GRXCR2: variants seen among roughly 807,000 people sequenced by gnomAD.
GRXCR2 encodes the protein glutaredoxin domain-containing cysteine-rich protein 2.
Under a neutral mutation model 24.8 loss-of-function variants are expected in GRXCR2, and 23 were observed. The ratio of observed to expected loss-of-function variants is 0.93; its 90% CI spans 0.67 to 1.32. GRXCR2 has a LOEUF of 1.32. Ranked by LOEUF, GRXCR2 falls within the 40% of genes most tolerant of loss-of-function variation. The probability of loss-of-function intolerance (pLI) is 0.00; values close to 1 mark genes in which losing one functional copy is unlikely to be tolerated. For missense variants in GRXCR2, 315 were observed against 303.4 expected, an observed-to-expected ratio of 1.04 and a Z score of -0.28; for synonymous variants, 130 against 116.1, an observed-to-expected ratio of 1.12 and a Z score of -0.77.
intron 2 of GRXCR2, among the ~76,000 whole-genome samples, chr5:145,905,576 C>T (rs1757080444): frequency 6.6e-6 from 1 of 152,036 alleles, no homozygotes. Flanking sequence ...TAACATTAAA[C>T]CAAGGCACCT....
chr5:145,860,607 T>C (rs1185473247), intron 2 of GRXCR2, among the ~76,000 whole-genome samples: 1 of 152,178 alleles, frequency 6.6e-6, no homozygotes, highest in Non-Finnish European at 1.5e-5. Flanking sequence ...GTTACAATCC[T>C]TCAAAGCTTA....
chr5:145,911,217 A>T (rs1231640641), intron 2 of GRXCR2, among the ~76,000 whole-genome samples: 1 of 152,208 alleles, frequency 6.6e-6, no homozygotes, highest in African/African-American at 2.4e-5. Flanking sequence ...TAGTTTGGTC[A>T]AACTCTGAAT....
At chr5:145,920,023 C>T (rs1248091781) in intron 2 of GRXCR2, among the ~76,000 whole-genome samples, 2 of 152,132 alleles carry the variant, frequency 1.3e-5, no homozygotes, top group Admixed American at 6.6e-5. Context: ...TGTGCGGCAG[C>T]GATGACTTGT....
chr5:145,894,371 T>C (rs1020313036), intron 2 of GRXCR2, among the ~76,000 whole-genome samples: 13 of 151,904 alleles, frequency 8.6e-5, no homozygotes, highest in African/African-American at 1.7e-4. Context: ...ATCAACAAAA[T>C]TGATAGACCG....
intron 2 of GRXCR2, among the ~76,000 whole-genome samples, chr5:145,911,709 G>T (rs936146276): frequency 6.6e-6 from 1 of 152,054 alleles, no homozygotes; most frequent in South Asian, 2.1e-4. Context: ...CCTTTAATTC[G>T]TTCAGAAGGG....
chr5:145,868,333 T>C (rs958279986), intron 1 of GRXCR2, among the ~76,000 whole-genome samples: 7 of 152,188 alleles, frequency 4.6e-5, no homozygotes, highest in Non-Finnish European at 7.3e-5. Flanking sequence ...TTAAGCAGTC[T>C]TGTATTTAAA....
intron 2 of GRXCR2, among the ~76,000 whole-genome samples, chr5:145,892,683 ATGGAACCAAGT>A (rs1405029379): frequency 6.6e-6 from 1 of 152,254 alleles, no homozygotes. Context: ...GATGGGGAGA[ATGGAACCAAGT>A]TGGAAAACAC....
At chr5:145,905,729 G>A (rs1278211431) in intron 2 of GRXCR2, among the ~76,000 whole-genome samples, 1 of 152,182 alleles carries the variant, frequency 6.6e-6, no homozygotes, top group East Asian at 1.9e-4. Context: ...CATAAAGAGT[G>A]TGTTGGCTTT....
chr5:145,878,049 C>A (rs1756645410), intron 2 of GRXCR2, among the ~76,000 whole-genome samples: 1 of 152,214 alleles, frequency 6.6e-6, no homozygotes, highest in Admixed American at 6.5e-5. Context: ...AGGTCACGAA[C>A]ATCAAAGACC....
intron 2 of GRXCR2, 60 bp downstream of exon 2, chr5:145,866,441 G>A: frequency 8.1e-7 from 1 of 1,230,858 alleles, no homozygotes; most frequent in East Asian, 2.3e-5. Flanking sequence ...AATCAAGCCA[G>A]CTTGGAGACC....
intron 2 of GRXCR2, among the ~76,000 whole-genome samples, chr5:145,881,579 A>G (rs1269303471): frequency 6.6e-6 from 1 of 152,236 alleles, no homozygotes; most frequent in Non-Finnish European, 1.5e-5. Flanking sequence ...AAGAATCAAT[A>G]TTGTGAAAAT....
At chr5:145,895,082 C>T (rs1372941544) in intron 2 of GRXCR2, among the ~76,000 whole-genome samples, 1 of 152,098 alleles carries the variant, frequency 6.6e-6, no homozygotes, top group Non-Finnish European at 1.5e-5. Flanking sequence ...CAAAATTCAA[C>T]AACGCTTCAT....
intron 2 of GRXCR2, among the ~76,000 whole-genome samples, chr5:145,913,244 C>A (rs1415096608): frequency 6.6e-6 from 1 of 152,014 alleles, no homozygotes; most frequent in Non-Finnish European, 1.5e-5. Flanking sequence ...TTTTTGGTTC[C>A]AGGATCCAAC....
chr5:145,920,074 T>C (rs1757302582), intron 2 of GRXCR2, among the ~76,000 whole-genome samples: 1 of 152,164 alleles, frequency 6.6e-6, no homozygotes, highest in African/African-American at 2.4e-5. Flanking sequence ...TCCTCCTCAC[T>C]GTTTAGAGTA....
chr5:145,921,042 G>T (rs910639270), intron 2 of GRXCR2, among the ~76,000 whole-genome samples: 6 of 152,208 alleles, frequency 3.9e-5, no homozygotes, highest in African/African-American at 9.6e-5. Flanking sequence ...GCCACCCAGT[G>T]TTGGGGATTT....
chr5:145,880,672 A>C (rs1215396153), intron 2 of GRXCR2, among the ~76,000 whole-genome samples: 6 of 151,936 alleles, frequency 3.9e-5, no homozygotes, highest in African/African-American at 1.4e-4. Flanking sequence ...AATCCTCCCT[A>C]ACTTTATTAG....
intron 2 of GRXCR2, among the ~76,000 whole-genome samples, chr5:145,914,413 C>G (rs1486162738): frequency 6.6e-6 from 1 of 151,968 alleles, no homozygotes; most frequent in African/African-American, 2.4e-5. Context: ...TGGTACCTCA[C>G]GTCTGTAATC....
Position 145,882,442 on chromosome 5 carries a change from G to A in GRXCR2, c.-69-15714C>T, listed in dbSNP as rs145600709. On this transcript the variant is annotated intron_variant, in intron 2 of 3. Coordinates refer to the GRXCR2 transcript ENST00000639411. ...AGAATGCTCATCATCACTGGTCATC[G>A]GAGAAATGCAAATCAAAACCACAAT... is the stretch of plus-strand genomic sequence containing the variant. 1.6e-3 allele frequency among the ~76,000 whole-genome samples: 245 copies of A among 152,224 alleles called. No individual in the cohort carries two copies. In the East Asian group the frequency reaches 0.021, roughly 13 times the overall value.
At chr5:145,918,073 C>T (rs772393070) in intron 2 of GRXCR2, among the ~76,000 whole-genome samples, 11 of 152,130 alleles carry the variant, frequency 7.2e-5, no homozygotes, top group Admixed American at 1.3e-4. Context: ...CCACTGTGCT[C>T]GGCCGGCTGA....
Sources: allele counts gnomAD v4.1 joint callset (sites outside exome capture counted in the v4.1 genomes callset), GRCh38; gene constraint gnomAD v4.1.1; transcripts MANE v1.5; gene names NCBI Gene and HGNC (gene_info 2026-07-23, HGNC 2026-07-21).